The following IMMP2L variants were observed in gnomAD, a reference collection of about 807,000 sequenced individuals.
The protein encoded by IMMP2L is inner mitochondrial membrane peptidase subunit 2, also known as mitochondrial inner membrane protease subunit 2.
In IMMP2L, 18 loss-of-function variants were observed where a neutral mutation model predicts 19.3. That is an observed-to-expected ratio of 0.93 (90% CI 0.64 to 1.38). The LOEUF is 1.38. Among genes scored for constraint, IMMP2L ranks in the 40% most tolerant of loss-of-function variants. The pLI is 0.00. For missense variants in IMMP2L, 233 were observed against 218.2 expected (o/e 1.07, Z -0.43); for synonymous variants, 76 against 73.0 (o/e 1.04, Z -0.21).
intron 4 of IMMP2L, among the ~76,000 whole-genome samples, chr7:110,903,620 T>C (rs1222884663): frequency 1.3e-5 from 2 of 152,202 alleles, no homozygotes; most frequent in Non-Finnish European, 2.9e-5. Context: ...TATTCCATTG[T>C]ATGTCTACAC....
intron 3 of IMMP2L, among the ~76,000 whole-genome samples, chr7:111,311,645 C>T (rs937359693): frequency 1.3e-5 from 2 of 152,124 alleles, no homozygotes; most frequent in African/African-American, 2.4e-5. Context: ...GCTCTGTGAA[C>T]TGGCTCCGGT....
chr7:111,178,599 A>G (rs1016912071), intron 3 of IMMP2L, among the ~76,000 whole-genome samples: 1 of 152,056 alleles, frequency 6.6e-6, no homozygotes, highest in African/African-American at 2.4e-5. Context: ...TTATCAGCAA[A>G]GTTTATTAAA....
At chr7:111,391,202 A>C (rs746847827) in intron 3 of IMMP2L, among the ~76,000 whole-genome samples, 21 of 152,152 alleles carry the variant, frequency 1.4e-4, no homozygotes, top group Non-Finnish European at 2.5e-4. Flanking sequence ...GGAACTGGAA[A>C]GACTGCAAGC....
rs57646158 is a variant in IMMP2L at position 110,831,491 on chromosome 7, T to C, written c.408+55102A>G. ...AAACTTCTTTATTCTTTCTACCATA[T>C]GGTAATAACAAATTATTGGCCTTTC... On this transcript the variant is annotated intron_variant, in intron 5 of 5. Transcript: ENST00000405709. 3.6e-3 allele frequency among the ~76,000 whole-genome samples: 545 copies of C among 152,268 alleles called. 14 individuals carry two copies. Among genetic ancestry groups the C allele is most frequent in the Admixed American group, 0.027 (415 of 15,286 alleles).
At chr7:111,399,131 T>G (rs1448147936) in intron 3 of IMMP2L, among the ~76,000 whole-genome samples, 2 of 151,918 alleles carry the variant, frequency 1.3e-5, no homozygotes, top group Non-Finnish European at 2.9e-5. Context: ...GAAAAAACAA[T>G]TCTAAAATTC....
intron 5 of IMMP2L, among the ~76,000 whole-genome samples, chr7:110,679,716 T>C (rs560286585): frequency 1.3e-5 from 2 of 152,328 alleles, no homozygotes; most frequent in South Asian, 4.1e-4. Flanking sequence ...CCAGCCTCTA[T>C]CTAAACATCT....
At chr7:111,176,055 G>A (rs535433623) in intron 3 of IMMP2L, among the ~76,000 whole-genome samples, 24 of 151,862 alleles carry the variant, frequency 1.6e-4, no homozygotes, top group Non-Finnish European at 2.5e-4. Flanking sequence ...GAAATGCAAA[G>A]CGAAACTACA....
intron 1 of IMMP2L, among the ~76,000 whole-genome samples, chr7:111,526,522 A>G (rs911586620): frequency 2.6e-5 from 4 of 152,190 alleles, no homozygotes; most frequent in African/African-American, 9.7e-5. Flanking sequence ...TATGATATAC[A>G]GATAATACGG....
intron 5 of IMMP2L, among the ~76,000 whole-genome samples, chr7:110,840,039 A>G (rs1338595858): frequency 6.6e-6 from 1 of 152,094 alleles, no homozygotes; most frequent in African/African-American, 2.4e-5. Context: ...CAATGAGAAG[A>G]AAACGGCAGA....
At position 111,259,619 on chromosome 7, in the gene IMMP2L, CAA is replaced by C. The variant is rs1248107540; in HGVS notation, c.239+227617_239+227618del. On this transcript the variant is annotated intron_variant, in intron 3 of 5. Transcript: ENST00000405709. ...CACTACTACACTGCAGCCTGGGAGGCAAAGTGACCCTGTCCCTAAAAAATAAT... is the reference window on the plus strand; with the variant it reads ...CACTACTACACTGCAGCCTGGGAGGCAGTGACCCTGTCCCTAAAAAATAAT... Among the ~76,000 whole-genome samples the C allele has an allele frequency of 6.6e-5, 10 of 151,282 alleles. No homozygotes were observed. The South Asian group carries it at 1.5e-3, about 22-fold the overall frequency.
At chr7:111,188,722 G>A (rs1808543643) in intron 3 of IMMP2L, among the ~76,000 whole-genome samples, 1 of 152,064 alleles carries the variant, frequency 6.6e-6, no homozygotes, top group Non-Finnish European at 1.5e-5. Flanking sequence ...CAGGTAAACT[G>A]TTAATTGGCA....
chr7:111,435,718 A>G (rs989944801), intron 3 of IMMP2L, among the ~76,000 whole-genome samples: 8 of 151,844 alleles, frequency 5.3e-5, no homozygotes, highest in Non-Finnish European at 1.0e-4. Context: ...TTAATATCCC[A>G]AAATACAGGA....
At chr7:111,052,890 G>A (rs1033211781) in intron 3 of IMMP2L, among the ~76,000 whole-genome samples, 1 of 152,166 alleles carries the variant, frequency 6.6e-6, no homozygotes, top group Admixed American at 6.5e-5. Context: ...TAGCTTCTTT[G>A]TTGGGTCATT....
intron 3 of IMMP2L, among the ~76,000 whole-genome samples, chr7:111,456,246 T>C (rs1349626610): frequency 2.0e-5 from 3 of 151,986 alleles, no homozygotes; most frequent in Non-Finnish European, 4.4e-5. Context: ...GTTTGGTCTC[T>C]AGCAGAAGGG....
intron 4 of IMMP2L, among the ~76,000 whole-genome samples, chr7:110,912,562 A>G (rs574541809): frequency 6.6e-6 from 1 of 152,198 alleles, no homozygotes; most frequent in Non-Finnish European, 1.5e-5. Flanking sequence ...GAGCATTAAA[A>G]ATTATAGAAG....
chr7:111,218,502 A>C (rs1812195716), intron 3 of IMMP2L, among the ~76,000 whole-genome samples: 1 of 151,948 alleles, frequency 6.6e-6, no homozygotes. Context: ...TGCACCAATA[A>C]ACCCCAGGCA....
chr7:111,226,601 A>G (rs1813130245), intron 3 of IMMP2L, among the ~76,000 whole-genome samples: 1 of 152,118 alleles, frequency 6.6e-6, no homozygotes, highest in Admixed American at 6.6e-5. Flanking sequence ...TTTTCTGCTA[A>G]ATGATGATCA....
intron 5 of IMMP2L, among the ~76,000 whole-genome samples, chr7:110,851,030 C>T (rs1806166087): frequency 6.6e-6 from 1 of 151,996 alleles, no homozygotes; most frequent in Non-Finnish European, 1.5e-5. Flanking sequence ...AACAAAAAGA[C>T]TTATGTTGAT....
chr7:110,975,222 T>C (rs2129557195), intron 3 of IMMP2L, among the ~76,000 whole-genome samples: 1 of 152,148 alleles, frequency 6.6e-6, no homozygotes, highest in African/African-American at 2.4e-5. Flanking sequence ...TCTATAGAAA[T>C]AAGAAGACAA....
Sources: allele counts gnomAD v4.1 joint callset (sites outside exome capture counted in the v4.1 genomes callset), GRCh38; gene constraint gnomAD v4.1.1; transcripts MANE v1.5; gene names NCBI Gene and HGNC (gene_info 2026-07-23, HGNC 2026-07-21).